NEDD4: variants seen among roughly 807,000 people sequenced by gnomAD.
NEDD4 encodes NEDD4 E3 ubiquitin protein ligase.
Under a neutral mutation model 144.9 loss-of-function variants are expected in NEDD4, and 99 were observed. The observed-to-expected ratio is 0.68, with a 90% CI of 0.58 to 0.81. The LOEUF is 0.81. Among genes scored for constraint, NEDD4 ranks in the 30% least tolerant of loss-of-function variants. The pLI, the probability that NEDD4 is intolerant of heterozygous loss-of-function variation, is 0.00. For missense variants in NEDD4, 985 were observed against 1,065.9 expected (o/e 0.92, Z 1.06); for synonymous variants, 318 against 350.6 (o/e 0.91, Z 1.04).
Position 55,852,521 on chromosome 15 carries a change from A to T in NEDD4, c.1049T>A (p.Leu350Ter). The change falls in exon 13 of 29, where the codon TTA becomes TAA. Residue 350 changes from leucine to a stop codon, truncating the protein, a stop_gained. Coordinates refer to ENST00000435532, the MANE Select transcript of NEDD4 (RefSeq NM_006154.4). LOFTEE classifies it high-confidence loss of function. ...LPVLLPTSSG[L>*]PPGWEEKQDE... Reference sequence around the variant, plus strand: ...TTGTTTTTCTTCCCAACCTGGTGGTAATCCAGATGAAGTAGGCAAAAGCTA... The same window carrying T: ...TTGTTTTTCTTCCCAACCTGGTGGTTATCCAGATGAAGTAGGCAAAAGCTA... The T allele has an allele frequency of 6.2e-7, 1 of 1,613,206 alleles. No individual in the cohort carries two copies.
intron 1 of NEDD4, among the ~76,000 whole-genome samples, chr15:55,979,605 G>A (rs959103347): frequency 3.3e-5 from 5 of 150,634 alleles, no homozygotes; most frequent in East Asian, 3.9e-4. Context: ...CACCCGCCTC[G>A]GCCTCCCAAA....
intron 1 of NEDD4, among the ~76,000 whole-genome samples, chr15:55,968,709 A>T (rs2037558240): frequency 6.6e-6 from 1 of 152,218 alleles, no homozygotes; most frequent in African/African-American, 2.4e-5. Context: ...GATCATTCTA[A>T]AGAGATGTTT....
Position 55,926,998 on chromosome 15 carries a change from C to T in NEDD4, c.238-2299G>A, listed in dbSNP as rs1425063470. Among the ~76,000 whole-genome samples the T allele has an allele frequency of 2.7e-5, 4 of 146,796 alleles. No homozygotes were observed. The South Asian group carries it at 6.4e-4, about 23-fold the overall frequency. On this transcript the variant is annotated intron_variant, in intron 4 of 28. Transcript: ENST00000435532. ...GGCTGAGGCAGGAGAATCGCTTGAA[C>T]CTGGGGGACAGAGGTTGCAGTGAAC...
intron 5 of NEDD4, chr15:55,916,667 C>G: frequency 1.9e-6 from 3 of 1,613,838 alleles, no homozygotes; most frequent in Non-Finnish European, 2.5e-6. Flanking sequence ...CTAGTGCAGT[C>G]TGTCTGGGAG....
At chr15:55,854,411 A>G (rs1346925368) in intron 12 of NEDD4, among the ~76,000 whole-genome samples, 1 of 152,216 alleles carries the variant, frequency 6.6e-6, no homozygotes, top group African/African-American at 2.4e-5. Context: ...GTGAATAGAT[A>G]AATGTAGTGG....
intron 5 of NEDD4, among the ~76,000 whole-genome samples, chr15:55,923,659 A>ATAT (rs1555404568): frequency 7.2e-4 from 97 of 135,286 alleles, no homozygotes; most frequent in Middle Eastern, 7.5e-3. Flanking sequence ...AAAAAAAAAA[A>ATAT]ATATATATAT....
In NEDD4 at chr15:55,827,302, G is replaced by A. The variant is rs1212661933; in HGVS notation, c.*2595C>T. ...TGAAAATGATCCTACTGACTGTCCC[G>A]CAGTAGAATGCATTTGAGACACTTT... On this transcript the variant is annotated 3_prime_UTR_variant, in exon 29 of 29. Transcript: ENST00000435532. The A allele has an allele frequency of 6.6e-6, 1 of 152,122 alleles. No individual in the cohort carries two copies. Among genetic ancestry groups the A allele is most frequent in the Admixed American group, 6.6e-5 (1 of 15,258 alleles). 9.4% of individuals were successfully genotyped at this position (152,122 alleles called of 1,614,324 possible).
intron 5 of NEDD4, among the ~76,000 whole-genome samples, chr15:55,877,276 TTA>T (rs1402999230): frequency 1.3e-5 from 2 of 152,342 alleles, no homozygotes; most frequent in East Asian, 3.9e-4. Flanking sequence ...GGAAAGTACC[TTA>T]GTCTTTCTTT....
intron 1 of NEDD4, among the ~76,000 whole-genome samples, chr15:55,986,520 C>T (rs754580275): frequency 5.3e-5 from 8 of 150,138 alleles, no homozygotes; most frequent in Non-Finnish European, 8.9e-5. Context: ...TCAAGAAACA[C>T]TAAACAGACC....
chr15:55,860,942 G>A (rs1335461502), intron 9 of NEDD4, among the ~76,000 whole-genome samples, 164 bp from the exon 10 acceptor site: 3 of 152,172 alleles, frequency 2.0e-5, no homozygotes, highest in South Asian at 2.1e-4. Context: ...TCATGGGTAG[G>A]CAGACTGGTA....
At position 55,963,156 on chromosome 15, in the gene NEDD4, G is replaced by A. The variant is rs1406909870; in HGVS notation, c.119+3317C>T. On this transcript the variant is annotated intron_variant, in intron 2 of 28. Coordinates refer to ENST00000435532, the MANE Select transcript of NEDD4 (RefSeq NM_006154.4). ...TTTTATTTTTTTTTTTTTTGAGACAGGGTCTCACTCTGTCGCCTAGGCTGG... is the reference window on the plus strand; with the variant it reads ...TTTTATTTTTTTTTTTTTTGAGACAAGGTCTCACTCTGTCGCCTAGGCTGG... 4.2e-5 allele frequency among the ~76,000 whole-genome samples: 6 copies of A among 144,118 alleles called. No homozygotes were observed. In the East Asian group the frequency reaches 1.3e-3, roughly 31 times the overall value. The allele number at this position is 144,118 out of a possible 152,430, so 94.5% of individuals were successfully genotyped here. A position where few individuals can be genotyped will look rare whatever the true frequency, so the allele number is the denominator to read the frequency against.
At chr15:55,944,187 G>A (rs2037064268) in intron 4 of NEDD4, among the ~76,000 whole-genome samples, 1 of 152,230 alleles carries the variant, frequency 6.6e-6, no homozygotes, top group African/African-American at 2.4e-5. Context: ...ATGGGGCATT[G>A]CCTCACCTCG....
At chr15:55,834,655 GGTGGT>G (rs2033112444) in intron 24 of NEDD4, among the ~76,000 whole-genome samples, 1 of 152,102 alleles carries the variant, frequency 6.6e-6, no homozygotes, top group East Asian at 1.9e-4. Context: ...AGCCAGGCAT[GGTGGT>G]GTGAACCTGT....
intron 2 of NEDD4, among the ~76,000 whole-genome samples, chr15:55,962,180 G>A (rs759354364): frequency 2.6e-5 from 4 of 152,058 alleles, no homozygotes; most frequent in East Asian, 1.9e-4. Flanking sequence ...TACCAGATAC[G>A]AATATATCCA....
At chr15:55,950,584 G>A (rs188765102) in intron 4 of NEDD4, among the ~76,000 whole-genome samples, 4 of 152,278 alleles carry the variant, frequency 2.6e-5, no homozygotes, top group Non-Finnish European at 5.9e-5. Context: ...TGGCAGCAGG[G>A]AAGTCACTGG....
At chr15:55,926,416 A>G (rs1009977047) in intron 4 of NEDD4, among the ~76,000 whole-genome samples, 2 of 152,150 alleles carry the variant, frequency 1.3e-5, no homozygotes, top group African/African-American at 2.4e-5. Context: ...TATTGTGACC[A>G]TGGAGTAACT....
Position 55,935,153 on chromosome 15 carries a change from C to T in NEDD4, c.238-10454G>A, listed in dbSNP as rs112601437. Among the ~76,000 whole-genome samples the T allele has an allele frequency of 4.6e-5, 7 of 152,294 alleles. 1 individual carries two copies. Among genetic ancestry groups the T allele is most frequent in the African/African-American group, 1.7e-4 (7 of 41,566 alleles). ...AAAGTAGTGGGATTACAGGCATGAG[C>T]CACCATGTCTGGCCTTGTTCTGCAT... On this transcript the variant is annotated intron_variant, in intron 4 of 28. Transcript: ENST00000435532.
rs543424628 is a variant in NEDD4 at position 55,827,077 on chromosome 15, T to A, written c.*2820A>T. ...TTTTAAAAAGTCAAATAGTTTATAA[T>A]CAAAATGAATTGTGTTTAACTTGAT... On this transcript the variant is annotated 3_prime_UTR_variant, in exon 29 of 29. Coordinates refer to ENST00000435532, the MANE Select transcript of NEDD4 (RefSeq NM_006154.4). 1 of 152,228 alleles carries A rather than the reference T, an allele frequency of 6.6e-6. No individual in the cohort carries two copies. The highest frequency in any genetic ancestry group is 1.9e-4 in the East Asian group (1 of 5,206). The allele number at this position is 152,228 out of a possible 1,614,324, so 9.4% of individuals were successfully genotyped here.
chr15:55,913,550 A>C (rs1359741782), intron 5 of NEDD4, among the ~76,000 whole-genome samples: 1 of 152,038 alleles, frequency 6.6e-6, no homozygotes, highest in African/African-American at 2.4e-5. Flanking sequence ...GACAATTTAA[A>C]TCTCCAGCAA....
Sources: gnomAD v4.1 joint callset for allele counts (sites outside exome capture counted in the v4.1 genomes callset) on GRCh38, gnomAD v4.1.1 for gene constraint, MANE v1.5 for transcripts, NCBI Gene and HGNC (gene_info 2026-07-23, HGNC 2026-07-21) for gene names.